Variants in PTPRG observed in about 807,000 individuals in gnomAD.
PTPRG encodes receptor-type tyrosine-protein phosphatase gamma.
In PTPRG, 102 loss-of-function variants were observed where a neutral mutation model predicts 165.3. That is an observed-to-expected ratio of 0.62 (90% CI 0.53 to 0.73). The LOEUF (loss-of-function observed/expected upper bound fraction) is 0.73. Among genes scored for constraint, PTPRG ranks in the 30% least tolerant of loss-of-function variants. The pLI is 0.00. For synonymous variants in PTPRG, 675 were observed against 669.5 expected, an observed-to-expected ratio of 1.01 and a Z score of -0.13; for missense variants, 1,866 against 1,861.4, an observed-to-expected ratio of 1.00 and a Z score of -0.05.
chr3:62,282,026 T>C (rs1341527276), intron 27 of PTPRG, among the ~76,000 whole-genome samples: 2 of 152,058 alleles, frequency 1.3e-5, no homozygotes, highest in Non-Finnish European at 2.9e-5. Flanking sequence ...GCACAGATGA[T>C]AATACTAAGT....
intron 7 of PTPRG, among the ~76,000 whole-genome samples, chr3:62,158,522 G>A (rs996835248): frequency 3.3e-5 from 5 of 152,106 alleles, no homozygotes; most frequent in Admixed American, 1.3e-4. Context: ...AATAGACATT[G>A]GCCAACCAAC....
At chr3:61,972,971 G>A (rs2040418431) in intron 2 of PTPRG, among the ~76,000 whole-genome samples, 1 of 151,980 alleles carries the variant, frequency 6.6e-6, no homozygotes, top group Non-Finnish European at 1.5e-5. Flanking sequence ...GGATTTTTGT[G>A]AATGTACAAC....
chr3:61,622,346 T>C (rs1701483886), intron 1 of PTPRG, among the ~76,000 whole-genome samples: 1 of 152,196 alleles, frequency 6.6e-6, no homozygotes, highest in Non-Finnish European at 1.5e-5. Flanking sequence ...TGGAAGGATT[T>C]CAGGAAGGAG....
intron 1 of PTPRG, among the ~76,000 whole-genome samples, chr3:61,598,221 A>G (rs549352450): frequency 1.8e-4 from 28 of 152,330 alleles, no homozygotes; most frequent in African/African-American, 6.0e-4. Context: ...GAATCGATAA[A>G]GCCATTAAGC....
chr3:61,745,496 A>G (rs1014738476), intron 1 of PTPRG, among the ~76,000 whole-genome samples: 7 of 152,178 alleles, frequency 4.6e-5, no homozygotes, highest in Non-Finnish European at 5.9e-5. Flanking sequence ...TTTAGAAGCC[A>G]GTTTTCCTGC....
intron 2 of PTPRG, chr3:61,749,973 C>T (rs1040285234): frequency 2.0e-5 from 3 of 152,194 alleles, no homozygotes; most frequent in African/African-American, 7.2e-5. Flanking sequence ...ATTTATAGGT[C>T]TGATCTTTAA....
At chr3:61,932,260 T>C (rs896147163) in intron 2 of PTPRG, among the ~76,000 whole-genome samples, 5 of 152,184 alleles carry the variant, frequency 3.3e-5, no homozygotes, top group Admixed American at 1.3e-4. Context: ...ATTACATAGA[T>C]TCTTGTAATG....
chr3:61,821,292 C>A (rs1271700915), intron 2 of PTPRG, among the ~76,000 whole-genome samples: 1 of 152,034 alleles, frequency 6.6e-6, no homozygotes, highest in Non-Finnish European at 1.5e-5. Context: ...GCCTCAGCCT[C>A]CCCTGTAGCT....
chr3:62,161,887 G>A (rs1288570362), intron 7 of PTPRG, among the ~76,000 whole-genome samples: 1 of 152,174 alleles, frequency 6.6e-6, no homozygotes, highest in African/African-American at 2.4e-5. Context: ...CCTCAAATGT[G>A]TGGTGAAGCT....
chr3:62,165,141 G>A (rs1704919741), intron 7 of PTPRG, among the ~76,000 whole-genome samples: 1 of 152,096 alleles, frequency 6.6e-6, no homozygotes, highest in Non-Finnish European at 1.5e-5. Context: ...CACATATGAG[G>A]GGCTTTATGA....
chr3:61,592,376 T>G (rs758123353), intron 1 of PTPRG, among the ~76,000 whole-genome samples: 61 of 152,150 alleles, frequency 4.0e-4, no homozygotes, highest in Admixed American at 2.0e-4. Context: ...GCCTAGAAAC[T>G]GCTGTGTAAG....
intron 4 of PTPRG, among the ~76,000 whole-genome samples, chr3:62,071,957 T>C (rs1701223080): frequency 6.6e-6 from 1 of 152,198 alleles, no homozygotes; most frequent in Non-Finnish European, 1.5e-5. Context: ...TGATTAAAAG[T>C]ATCAAAGGCT....
At chr3:61,858,587 G>T (rs1402649393) in intron 2 of PTPRG, among the ~76,000 whole-genome samples, 1 of 151,994 alleles carries the variant, frequency 6.6e-6, no homozygotes, top group Non-Finnish European at 1.5e-5. Flanking sequence ...AGCTTTTCTG[G>T]AATATTAGGT....
intron 4 of PTPRG, among the ~76,000 whole-genome samples, chr3:62,058,960 C>A (rs1456043393): frequency 1.3e-5 from 2 of 152,166 alleles, no homozygotes; most frequent in Non-Finnish European, 2.9e-5. Flanking sequence ...GGGGACTCTA[C>A]CACAGAACTC....
intron 4 of PTPRG, among the ~76,000 whole-genome samples, chr3:62,074,360 T>C (rs1303319744): frequency 2.7e-5 from 2 of 75,308 alleles, no homozygotes; most frequent in African/African-American, 7.9e-5. Context: ...TTCTTTTTTT[T>C]TTTTTTTTTT....
chr3:61,562,169 G>C lies in PTPRG; in HGVS notation c.-119G>C. The C allele has an allele frequency of 1.2e-6, 1 of 865,654 alleles. No homozygotes were observed. The highest frequency in any genetic ancestry group is 1.9e-6 in the Non-Finnish European group (1 of 530,708). The allele number at this position is 865,654 out of a possible 1,614,324, so 53.6% of individuals were successfully genotyped here. ...GGACTCGGGCCGCCGAGCGCGGGGG[G>C]CCCGTGGAGCGGGCGAGCCGGGGAA... is the stretch of plus-strand genomic sequence containing the variant. On this transcript the variant is annotated 5_prime_UTR_variant, in exon 1 of 30. Coordinates refer to ENST00000474889, the MANE Select transcript of PTPRG (RefSeq NM_002841.4).
intron 2 of PTPRG, among the ~76,000 whole-genome samples, chr3:61,871,870 C>G (rs1372851049): frequency 2.0e-5 from 3 of 152,128 alleles, no homozygotes; most frequent in Non-Finnish European, 4.4e-5. Flanking sequence ...TGTTTCTCAG[C>G]AAGACTATTT....
At chr3:61,987,426 T>C (rs1364100915) in intron 2 of PTPRG, among the ~76,000 whole-genome samples, 2 of 152,232 alleles carry the variant, frequency 1.3e-5, no homozygotes, top group Non-Finnish European at 2.9e-5. Flanking sequence ...CTAATATGAA[T>C]GGCAAGTACT....
chr3:61,634,337 A>C (rs1701846079), intron 1 of PTPRG, among the ~76,000 whole-genome samples: 1 of 151,638 alleles, frequency 6.6e-6, no homozygotes, highest in South Asian at 2.1e-4. Context: ...TCCCAGGTTC[A>C]AGCGATTCTT....
Sources: gnomAD v4.1 joint callset for allele counts (sites outside exome capture counted in the v4.1 genomes callset) on GRCh38, gnomAD v4.1.1 for gene constraint, MANE v1.5 for transcripts, NCBI Gene and HGNC (gene_info 2026-07-23, HGNC 2026-07-21) for gene names.